The following DLGAP2 variants were observed in gnomAD, a reference collection of about 807,000 sequenced individuals.
The protein encoded by DLGAP2 is DLG associated protein 2.
Under a neutral mutation model 100.3 loss-of-function variants are expected in DLGAP2, and 26 were observed. The ratio of observed to expected loss-of-function variants is 0.26; its 90% CI spans 0.19 to 0.36. The LOEUF is 0.36. Among genes scored for constraint, DLGAP2 ranks in the 10% least tolerant of loss-of-function variants. The probability of loss-of-function intolerance (pLI) is 1.00; values close to 1 mark genes in which losing one functional copy is unlikely to be tolerated. For missense variants in DLGAP2, 1,858 were observed against 1,453.2 expected (o/e 1.28, Z -4.53); for synonymous variants, 886 against 630.1 (o/e 1.41, Z -6.08).
At chr8:906,349 C>T (rs950082944) in intron 1 of DLGAP2, among the ~76,000 whole-genome samples, 1 of 152,200 alleles carries the variant, frequency 6.6e-6, no homozygotes, top group Non-Finnish European at 1.5e-5. Context: ...GGTGTGGAGG[C>T]AGTAGCCTTT....
intron 3 of DLGAP2, among the ~76,000 whole-genome samples, chr8:1,272,157 A>T (rs1412914502): frequency 2.0e-5 from 3 of 152,244 alleles, no homozygotes; most frequent in African/African-American, 7.2e-5. Flanking sequence ...AATAAAAAAT[A>T]AGAAAGTTGA....
At chr8:1,499,034 A>G (rs986712481) in intron 3 of DLGAP2, among the ~76,000 whole-genome samples, 2 of 152,216 alleles carry the variant, frequency 1.3e-5, no homozygotes, top group Non-Finnish European at 2.9e-5. Context: ...GATAAACAGC[A>G]AGGGCGGGTG....
rs188327310 is a variant in DLGAP2 at position 1,670,609 on chromosome 8, C to A, written c.2202+825C>A. On this transcript the variant is annotated intron_variant, in intron 10 of 14. Coordinates refer to ENST00000637795, the MANE Select transcript of DLGAP2 (RefSeq NM_001346810.2). ...TGGGTAAGCGAGTGGACGGATGGGT[C>A]GCTGGGTGCGTGCTGGGTGAGGATG... Among the ~76,000 whole-genome samples the A allele has an allele frequency of 9.9e-5, 15 of 152,214 alleles. No individual in the cohort carries two copies. The East Asian group carries it at 1.9e-3, about 20-fold the overall frequency.
chr8:1,166,735 C>G (rs1202542756), intron 2 of DLGAP2, among the ~76,000 whole-genome samples: 1 of 152,076 alleles, frequency 6.6e-6, no homozygotes, highest in Admixed American at 6.5e-5. Context: ...CAGTTTACCT[C>G]TCAATAAATT....
At chr8:1,062,001 C>G (rs992717432) in intron 2 of DLGAP2, among the ~76,000 whole-genome samples, 1 of 151,088 alleles carries the variant, frequency 6.6e-6, no homozygotes, top group Non-Finnish European at 1.5e-5. Flanking sequence ...TGGCTCCTGT[C>G]TAAATAGGGA....
chr8:909,369 G>C (rs1798440614), intron 2 of DLGAP2, among the ~76,000 whole-genome samples: 1 of 151,974 alleles, frequency 6.6e-6, no homozygotes, highest in African/African-American at 2.4e-5. Context: ...ATTACTCTAA[G>C]AAACATCAGG....
intron 3 of DLGAP2, among the ~76,000 whole-genome samples, chr8:1,370,993 A>G (rs1164125378): frequency 6.6e-6 from 1 of 152,274 alleles, no homozygotes; most frequent in Admixed American, 6.5e-5. Flanking sequence ...CATGGATAGT[A>G]AGTAGTTTAT....
intron 3 of DLGAP2, among the ~76,000 whole-genome samples, chr8:1,332,314 G>A (rs1801175936): frequency 6.6e-6 from 1 of 152,008 alleles, no homozygotes; most frequent in Non-Finnish European, 1.5e-5. Context: ...GTGTGTGTGT[G>A]TCTGTATGCG....
intron 1 of DLGAP2, among the ~76,000 whole-genome samples, chr8:906,559 T>C (rs1254889112): frequency 3.3e-5 from 5 of 152,176 alleles, no homozygotes; most frequent in Non-Finnish European, 5.9e-5. Context: ...TCTTGCACTG[T>C]TGGGCATGGG....
At chr8:1,473,977 G>A (rs1798868523) in intron 3 of DLGAP2, among the ~76,000 whole-genome samples, 1 of 152,156 alleles carries the variant, frequency 6.6e-6, no homozygotes, top group African/African-American at 2.4e-5. Flanking sequence ...TCAGCAGCAT[G>A]AAAACAGACT....
chr8:982,529 T>G (rs929574524), intron 2 of DLGAP2, among the ~76,000 whole-genome samples: 1 of 152,208 alleles, frequency 6.6e-6, no homozygotes, highest in Non-Finnish European at 1.5e-5. Flanking sequence ...TAGATATTTT[T>G]TCTTTGTCAA....
At chr8:1,516,295 A>G (rs1222133281) in intron 4 of DLGAP2, among the ~76,000 whole-genome samples, 1 of 151,562 alleles carries the variant, frequency 6.6e-6, no homozygotes, top group South Asian at 2.1e-4. Flanking sequence ...GAGTGCATGA[A>G]TGAGTGAGTG....
intron 9 of DLGAP2, 126 bp downstream of exon 9, chr8:1,668,804 G>T (rs1798614748): frequency 4.4e-6 from 4 of 912,122 alleles, no homozygotes; most frequent in Non-Finnish European, 6.4e-6. Context: ...CAGGGCTGTG[G>T]AATCTGAGAG....
At chr8:1,450,797 A>G (rs1317423866) in intron 3 of DLGAP2, among the ~76,000 whole-genome samples, 1 of 152,166 alleles carries the variant, frequency 6.6e-6, no homozygotes, top group Non-Finnish European at 1.5e-5. Context: ...GGGAGACAGA[A>G]AAGTACTATT....
At chr8:1,651,689 T>C (rs1798168973) in intron 8 of DLGAP2, among the ~76,000 whole-genome samples, 3 of 152,208 alleles carry the variant, frequency 2.0e-5, no homozygotes, top group Admixed American at 2.0e-4. Context: ...CCACAGGCTG[T>C]GTAGCCCTCC....
intron 2 of DLGAP2, among the ~76,000 whole-genome samples, chr8:1,226,518 G>T (rs1037605195): frequency 1.3e-5 from 2 of 152,294 alleles, no homozygotes; most frequent in East Asian, 1.9e-4. Flanking sequence ...GCTAATGCAT[G>T]TGGGGCTTAA....
intron 4 of DLGAP2, among the ~76,000 whole-genome samples, chr8:1,511,246 G>A (rs996480989): frequency 1.3e-5 from 2 of 151,496 alleles, no homozygotes; most frequent in African/African-American, 4.9e-5. Flanking sequence ...CATCTTCCAT[G>A]GACGTAAGGG....
chr8:1,594,883 G>C (rs1405010736), intron 6 of DLGAP2, among the ~76,000 whole-genome samples: 1 of 152,122 alleles, frequency 6.6e-6, no homozygotes, highest in Non-Finnish European at 1.5e-5. Context: ...CCTGGGCACA[G>C]CCAATTCTGT....
intron 2 of DLGAP2, among the ~76,000 whole-genome samples, chr8:1,049,176 C>T (rs1004504618): frequency 5.9e-5 from 9 of 152,128 alleles, no homozygotes; most frequent in Admixed American, 5.9e-4. Flanking sequence ...CTCGATTCCA[C>T]GAGACTTCAT....
Sources: allele counts gnomAD v4.1 joint callset (sites outside exome capture counted in the v4.1 genomes callset), GRCh38; gene constraint gnomAD v4.1.1; transcripts MANE v1.5; gene names NCBI Gene and HGNC (gene_info 2026-07-23, HGNC 2026-07-21).